The following EXOC4 variants were observed in gnomAD, a reference collection of about 807,000 sequenced individuals.
The protein encoded by EXOC4 is exocyst complex component 4.
Under a neutral mutation model 107.2 loss-of-function variants are expected in EXOC4, and 71 were observed. The ratio of observed to expected loss-of-function variants is 0.66; its 90% CI spans 0.55 to 0.81. The LOEUF (loss-of-function observed/expected upper bound fraction) is 0.81. Among genes scored for constraint, EXOC4 ranks in the 30% least tolerant of loss-of-function variants. EXOC4 has a pLI of 0.00. For synonymous variants in EXOC4, 456 were observed against 441.2 expected (o/e 1.03, Z -0.42); for missense variants, 1,108 against 1,189.6 (o/e 0.93, Z 1.01).
intron 5 of EXOC4, among the ~76,000 whole-genome samples, chr7:133,339,708 T>C (rs1286715811): frequency 6.6e-6 from 1 of 152,244 alleles, no homozygotes; most frequent in Non-Finnish European, 1.5e-5. Context: ...TAGTTTTCCT[T>C]GTAGAGGTCT....
chr7:133,899,025 T>A (rs1164145013), intron 12 of EXOC4, among the ~76,000 whole-genome samples: 1 of 151,572 alleles, frequency 6.6e-6, no homozygotes, highest in Admixed American at 6.6e-5. Flanking sequence ...AAGTTTAAAA[T>A]TTTTAAAATA....
chr7:133,486,615 G>A (rs73148989), intron 9 of EXOC4, among the ~76,000 whole-genome samples: 2,017 of 151,858 alleles, frequency 0.013, 25 homozygotes, highest in Admixed American at 0.017. Context: ...CAATATGCAG[G>A]GAACATGAAA....
chr7:133,962,597 T>G (rs1800972672), intron 14 of EXOC4, among the ~76,000 whole-genome samples: 1 of 152,224 alleles, frequency 6.6e-6, no homozygotes, highest in Non-Finnish European at 1.5e-5. Flanking sequence ...GCTCTTATTT[T>G]CTGTCACTCT....
intron 1 of EXOC4, among the ~76,000 whole-genome samples, chr7:133,262,126 T>C (rs1795166874): frequency 6.6e-6 from 1 of 152,222 alleles, no homozygotes; most frequent in African/African-American, 2.4e-5. Flanking sequence ...CCATCAGTAC[T>C]TCTTATTTTA....
intron 10 of EXOC4, among the ~76,000 whole-genome samples, chr7:133,777,418 T>G (rs1264035135): frequency 3.3e-5 from 5 of 152,196 alleles, no homozygotes; most frequent in Non-Finnish European, 5.9e-5. Flanking sequence ...CAGGTCTGAT[T>G]CAGACAATCT....
the EXOC4 span, among the ~76,000 whole-genome samples, chr7:134,092,385 A>G: frequency 4.6e-5 from 7 of 152,182 alleles, no homozygotes; most frequent in Admixed American, 2.0e-4. Context: ...AGACAAGTCA[A>G]TAGAAATTGA....
intron 11 of EXOC4, among the ~76,000 whole-genome samples, chr7:133,878,569 A>C (rs1425242190): frequency 6.6e-6 from 1 of 152,234 alleles, no homozygotes; most frequent in African/African-American, 2.4e-5. Context: ...AATTAGGCCA[A>C]GCTCGACCCC....
Position 133,883,320 on chromosome 7 carries a change from CTTT to C in EXOC4, c.1735-12265_1735-12263del, listed in dbSNP as rs61066187. Among the ~76,000 whole-genome samples the C allele has an allele frequency of 2.6e-3, 339 of 132,230 alleles. 2 individuals carry two copies. The highest frequency in any genetic ancestry group is 7.9e-3 in the African/African-American group (284 of 36,108). 86.7% of individuals were successfully genotyped at this position (132,230 alleles called of 152,430 possible). On this transcript the variant is annotated intron_variant, in intron 11 of 17. Coordinates refer to ENST00000253861, the MANE Select transcript of EXOC4 (RefSeq NM_021807.4). ...ACTTTATTGATTGACATGAGAATTG[CTTT>C]TTTTTTTTTTTTTGGCTCTTGTAAA... is the stretch of plus-strand genomic sequence containing the variant.
chr7:133,633,644 G>A lies in EXOC4; in HGVS notation c.1514+3503G>A, dbSNP rs74597500. ...TGAGGCAGGAGAATCACTTGAACCCGGAGGCGGAGGTTGCAGTGAGCTGAG... is the reference window on the plus strand; with the variant it reads ...TGAGGCAGGAGAATCACTTGAACCCAGAGGCGGAGGTTGCAGTGAGCTGAG... On this transcript the variant is annotated intron_variant, in intron 10 of 17. Coordinates refer to ENST00000253861, the MANE Select transcript of EXOC4 (RefSeq NM_021807.4). 2.6e-4 allele frequency among the ~76,000 whole-genome samples: 39 copies of A among 152,170 alleles called. 1 individual carries two copies. The Middle Eastern group carries it at 0.01, about 40-fold the overall frequency.
intron 17 of EXOC4, among the ~76,000 whole-genome samples, chr7:134,020,462 A>G (rs1370657794): frequency 1.3e-5 from 2 of 152,216 alleles, no homozygotes; most frequent in African/African-American, 2.4e-5. Flanking sequence ...CAAAAGTAAA[A>G]ATAACTTGAA....
At chr7:133,452,339 T>G (rs1292679388) in intron 7 of EXOC4, among the ~76,000 whole-genome samples, 2 of 152,040 alleles carry the variant, frequency 1.3e-5, no homozygotes, top group African/African-American at 2.4e-5. Flanking sequence ...TATCATAAGA[T>G]AACTGTTGAT....
At chr7:133,420,728 C>A (rs1446478862) in intron 7 of EXOC4, among the ~76,000 whole-genome samples, 1 of 151,948 alleles carries the variant, frequency 6.6e-6, no homozygotes, top group Non-Finnish European at 1.5e-5. Flanking sequence ...GAAACTGTTA[C>A]AGATGGTAGG....
At chr7:133,964,984 A>C (rs998791789) in intron 14 of EXOC4, among the ~76,000 whole-genome samples, 5 of 152,164 alleles carry the variant, frequency 3.3e-5, no homozygotes, top group African/African-American at 1.2e-4. Flanking sequence ...CATCCCCTCC[A>C]GCATCTGTTG....
At chr7:133,345,600 A>C (rs557937387) in intron 5 of EXOC4, among the ~76,000 whole-genome samples, 1 of 152,206 alleles carries the variant, frequency 6.6e-6, no homozygotes, top group Non-Finnish European at 1.5e-5. Context: ...CTATCTCTTG[A>C]AAAAAATGAT....
At chr7:133,683,837 A>G (rs1176474767) in intron 10 of EXOC4, among the ~76,000 whole-genome samples, 4 of 152,196 alleles carry the variant, frequency 2.6e-5, no homozygotes, top group African/African-American at 9.7e-5. Flanking sequence ...ATCAAAATAT[A>G]ACAAGCTGGT....
At chr7:133,939,600 G>T (rs1021430367) in intron 14 of EXOC4, among the ~76,000 whole-genome samples, 2 of 152,108 alleles carry the variant, frequency 1.3e-5, no homozygotes, top group African/African-American at 2.4e-5. Flanking sequence ...GGCTTTAGGT[G>T]GTCCTCCCAT....
At chr7:133,463,718 CA>C (rs1233882994) in intron 7 of EXOC4, among the ~76,000 whole-genome samples, 1 of 152,008 alleles carries the variant, frequency 6.6e-6, no homozygotes, top group East Asian at 1.9e-4. Flanking sequence ...TGAAAGAAAA[CA>C]TTCCAAAAGT....
At chr7:133,529,948 T>G (rs1329459502) in intron 9 of EXOC4, among the ~76,000 whole-genome samples, 1 of 152,126 alleles carries the variant, frequency 6.6e-6, no homozygotes, top group African/African-American at 2.4e-5. Flanking sequence ...CTAATGTATA[T>G]TGGGAGTTTA....
downstream of EXOC4, among the ~76,000 whole-genome samples, chr7:134,067,012 T>C (rs191185457): frequency 9.8e-4 from 149 of 151,962 alleles, no homozygotes; most frequent in African/African-American, 3.4e-3. Flanking sequence ...TTAGCTGGTG[T>C]GGTGGTGCAC....
Sources: allele counts gnomAD v4.1 joint callset (sites outside exome capture counted in the v4.1 genomes callset), GRCh38; gene constraint gnomAD v4.1.1; transcripts MANE v1.5; gene names NCBI Gene and HGNC (gene_info 2026-07-23, HGNC 2026-07-21).